PPFIBP1: variants seen among roughly 807,000 people sequenced by gnomAD.
The protein encoded by PPFIBP1 is PPFIB scaffold protein 1, also known as liprin-beta-1.
A neutral mutation model predicts 137.8 loss-of-function variants in PPFIBP1; 112 were observed. The observed-to-expected ratio is 0.81, with a 90% CI of 0.70 to 0.95. PPFIBP1 has a LOEUF of 0.95. PPFIBP1 is among the 40% of genes least tolerant of loss of function. The pLI is 0.00. For missense variants in PPFIBP1, 1,083 were observed against 1,196.6 expected (o/e 0.91, Z 1.40); for synonymous variants, 378 against 417.3 (o/e 0.91, Z 1.15).
intron 7 of PPFIBP1, among the ~76,000 whole-genome samples, chr12:27,652,661 A>C (rs906643498): frequency 6.6e-6 from 1 of 152,206 alleles, no homozygotes; most frequent in Non-Finnish European, 1.5e-5. Context: ...AAATTATCCC[A>C]GTTTACAATT....
Position 27,694,890 on chromosome 12 carries a change from G to A in PPFIBP1, c.*2008G>A, listed in dbSNP as rs2061702263. The A allele has an allele frequency of 6.6e-6, 1 of 152,148 alleles. No homozygotes were observed. The highest frequency in any genetic ancestry group is 2.4e-5 in the African/African-American group (1 of 41,440). 9.4% of individuals were successfully genotyped at this position (152,148 alleles called of 1,614,324 possible). On this transcript the variant is annotated 3_prime_UTR_variant, in exon 30 of 30. Transcript: ENST00000228425. ...GTATTATCTTTTAAGTTGTCAGCAA[G>A]TTACCAAGGTATTCATTAAAGAACT...
intron 10 of PPFIBP1, 22 bp downstream of exon 10, chr12:27,658,870 T>C (rs1284240743): frequency 6.2e-7 from 1 of 1,608,018 alleles, no homozygotes; most frequent in Admixed American, 1.7e-5. Context: ...TGCATTTCCA[T>C]CAGCCTTTAC....
At position 27,691,780 on chromosome 12, in the gene PPFIBP1, A is replaced by G; in HGVS notation, c.2717A>G (p.Asn906Ser). 1 of 1,611,456 alleles carries G rather than the reference A, an allele frequency of 6.2e-7. No homozygotes were observed. Among genetic ancestry groups the G allele is most frequent in the Non-Finnish European group, 8.5e-7 (1 of 1,179,102 alleles). The change falls in exon 28 of 30, where the codon AAT (asparagine) becomes AGT (serine). Residue 906 changes from asparagine (N) to serine (S), a missense_variant. By Grantham distance (46) the Asn-to-Ser change is conservative. Transcript: ENST00000228425. ...PKKLAFSNFG[N>S]LRKKKQEDGE... ...AAACTTGCCTTTAGCAATTTTGGGA[A>G]TTTGAGAAAGAAGAAACAGGAAGAT...
intron 2 of PPFIBP1, among the ~76,000 whole-genome samples, chr12:27,621,084 C>T (rs1399632585): frequency 2.0e-5 from 3 of 152,192 alleles, no homozygotes; most frequent in Admixed American, 2.0e-4. Flanking sequence ...AGAGTCTGTG[C>T]ACTTTCAGGA....
In PPFIBP1 at chr12:27,687,434, T is replaced by C; in HGVS notation, c.2297T>C (p.Ile766Thr). ...GTAAGTGTGCTACACCATCTCAGTA[T>C]CAAAAGGGCCATCCAGGTCCTGAGG... ...KVVSVLHHLS[I>T]KRAIQVLRIN... Residue 766 changes from isoleucine to threonine, a missense_variant, in exon 25 of 30, where the codon ATC becomes ACC. By Grantham distance (89) the Ile-to-Thr change is moderately conservative (BLOSUM62 -1). Transcript: ENST00000228425. 1 of 1,614,098 alleles carries C rather than the reference T, an allele frequency of 6.2e-7. No homozygotes were observed. Among genetic ancestry groups the C allele is most frequent in the Non-Finnish European group, 8.5e-7 (1 of 1,179,950 alleles).
At chr12:27,549,946 G>C (rs903675829) in intron 1 of PPFIBP1, among the ~76,000 whole-genome samples, 1 of 152,188 alleles carries the variant, frequency 6.6e-6, no homozygotes, top group Non-Finnish European at 1.5e-5. Flanking sequence ...GTAACCTCCC[G>C]GAGAGTCAGG....
At chr12:27,541,287 G>C (rs1334044340) in intron 1 of PPFIBP1, among the ~76,000 whole-genome samples, 6 of 152,070 alleles carry the variant, frequency 3.9e-5, no homozygotes, top group Non-Finnish European at 8.8e-5. Context: ...GAGAAAGTTG[G>C]TGAGAAAAGG....
At chr12:27,614,604 G>A (rs1398036328) in intron 2 of PPFIBP1, among the ~76,000 whole-genome samples, 5 of 152,152 alleles carry the variant, frequency 3.3e-5, no homozygotes, top group African/African-American at 9.7e-5. Context: ...TGGGCCAGTT[G>A]TCAGGGATGG....
chr12:27,617,100 AACGG>A (rs749271346), intron 2 of PPFIBP1, among the ~76,000 whole-genome samples: 25 of 152,180 alleles, frequency 1.6e-4, no homozygotes, highest in Non-Finnish European at 2.8e-4. Flanking sequence ...ATTATTCTTT[AACGG>A]AGGGCAGGAA....
chr12:27,673,608 G>A (rs1163078900), intron 15 of PPFIBP1, among the ~76,000 whole-genome samples, 159 bp from the exon 16 acceptor site: 1 of 152,288 alleles, frequency 6.6e-6, no homozygotes, highest in South Asian at 2.1e-4. Context: ...ACTAAATGTT[G>A]TCATTTAGTG....
chr12:27,649,285 T>C (rs1269993988), intron 6 of PPFIBP1, among the ~76,000 whole-genome samples: 1 of 152,264 alleles, frequency 6.6e-6, no homozygotes, highest in East Asian at 1.9e-4. Flanking sequence ...CTAACCTCTC[T>C]GTTACTATGT....
intron 1 of PPFIBP1, among the ~76,000 whole-genome samples, chr12:27,563,277 T>TAAACAAAAAAAAA (rs2049319319): frequency 4.5e-5 from 1 of 22,172 alleles, no homozygotes; most frequent in Non-Finnish European, 7.1e-5. Flanking sequence ...CCATCTCTAC[T>TAAACAAAAAAAAA]AAAAAAAAAA....
intron 2 of PPFIBP1, chr12:27,609,044 C>T (rs11049068): frequency 0.19 from 29,931 of 157,418 alleles, 3,180 homozygotes; most frequent in South Asian, 0.38. Flanking sequence ...TCCTCCTGGA[C>T]ATCTTGGCGG....
intron 17 of PPFIBP1, among the ~76,000 whole-genome samples, chr12:27,676,069 T>C (rs1593309170): frequency 6.6e-6 from 1 of 152,210 alleles, no homozygotes; most frequent in African/African-American, 2.4e-5. Context: ...GTTAGAAAAG[T>C]CAGAAATCTG....
intron 1 of PPFIBP1, among the ~76,000 whole-genome samples, chr12:27,565,744 AACAC>A (rs1160086362): frequency 1.3e-5 from 2 of 152,116 alleles, no homozygotes; most frequent in African/African-American, 2.4e-5. Context: ...CACTCCTTTT[AACAC>A]CTACAGTCGT....
chr12:27,660,441 C>T (rs966684333), intron 10 of PPFIBP1, among the ~76,000 whole-genome samples: 2 of 152,216 alleles, frequency 1.3e-5, no homozygotes, highest in Admixed American at 6.5e-5. Context: ...AGCCATCAGG[C>T]ACTTACCGTT....
intron 1 of PPFIBP1, among the ~76,000 whole-genome samples, chr12:27,564,161 G>A (rs527578437): frequency 1.2e-4 from 18 of 152,168 alleles, no homozygotes; most frequent in Non-Finnish European, 2.1e-4. Context: ...GTGAGCCACC[G>A]TGCCTGGCCA....
At chr12:27,582,057 T>C (rs751487370) in intron 2 of PPFIBP1, among the ~76,000 whole-genome samples, 4 of 152,080 alleles carry the variant, frequency 2.6e-5, no homozygotes, top group Non-Finnish European at 4.4e-5. Context: ...CATAGCAGTC[T>C]TTTCATTCTC....
At chr12:27,617,249 C>A (rs139462422) in intron 2 of PPFIBP1, among the ~76,000 whole-genome samples, 4 of 152,240 alleles carry the variant, frequency 2.6e-5, no homozygotes, top group East Asian at 3.9e-4. Context: ...AGAATGTATA[C>A]CCCGATCACT....
Sources: allele counts gnomAD v4.1 joint callset (sites outside exome capture counted in the v4.1 genomes callset), GRCh38; gene constraint gnomAD v4.1.1; transcripts MANE v1.5; gene names NCBI Gene and HGNC (gene_info 2026-07-23, HGNC 2026-07-21).